Variants in CDADC1 observed in about 807,000 individuals in gnomAD.
CDADC1 encodes dCTP deaminase.
Under a neutral mutation model 54.9 loss-of-function variants are expected in CDADC1, and 39 were observed. The observed-to-expected ratio is 0.71, with a 90% CI of 0.55 to 0.93. The LOEUF is 0.93. Ranked by LOEUF, CDADC1 falls within the 40% of genes least tolerant of loss-of-function variation. The pLI is 0.00. For synonymous variants in CDADC1, 186 were observed against 204.0 expected (o/e 0.91, Z 0.75); for missense variants, 518 against 618.8 (o/e 0.84, Z 1.73).
chr13:49,254,061 T>C (rs1952490369), intron 2 of CDADC1, among the ~76,000 whole-genome samples: 1 of 152,238 alleles, frequency 6.6e-6, no homozygotes. Flanking sequence ...TAGGAGCTAC[T>C]TTATAAAGTT....
At chr13:49,264,812 G>A (rs187158199) in intron 4 of CDADC1, among the ~76,000 whole-genome samples, 168 of 151,824 alleles carry the variant, frequency 1.1e-3, no homozygotes, top group African/African-American at 3.6e-3. Context: ...AAGTCTTTAT[G>A]TGCCAGCTAC....
At position 49,285,368 on chromosome 13, in the gene CDADC1, C is replaced by T. The variant is rs113301584; in HGVS notation, c.1411-854C>T. 1.5e-3 allele frequency among the ~76,000 whole-genome samples: 223 copies of T among 151,886 alleles called. 1 individual carries two copies. Among genetic ancestry groups the T allele is most frequent in the African/African-American group, 4.5e-3 (186 of 41,428 alleles). On this transcript the variant is annotated intron_variant, in intron 8 of 9. Transcript: ENST00000251108. Reference sequence around the variant, plus strand: ...TAATTTTTTGTATTTTTAGTAGAGACGGGGTTTCACCTTGTTAGCCAGGAT... The same window carrying T: ...TAATTTTTTGTATTTTTAGTAGAGATGGGGTTTCACCTTGTTAGCCAGGAT...
chr13:49,267,692 C>T lies in CDADC1; in HGVS notation c.633C>T (p.Asp211=), dbSNP rs772368264. The change falls in exon 5 of 10, where the codon GAC becomes GAT. Residue 211 remains aspartate, a synonymous_variant. Transcript: ENST00000251108. ...QFVEETSYKC[D]FIQKITKTLP... Reference sequence around the variant, plus strand: ...TAGAGGAGACCTCTTACAAATGTGACTTTATTCAAAAAATTACAAAAACAT... The same window carrying T: ...TAGAGGAGACCTCTTACAAATGTGATTTTATTCAAAAAATTACAAAAACAT... 3 of 1,612,566 alleles carry T rather than the reference C, an allele frequency of 1.9e-6. No homozygotes were observed. The African/African-American group carries it at 4.0e-5, about 22-fold the overall frequency.
intron 4 of CDADC1, among the ~76,000 whole-genome samples, chr13:49,263,358 T>C (rs1952729956): frequency 6.6e-6 from 1 of 152,234 alleles, no homozygotes; most frequent in Non-Finnish European, 1.5e-5. Flanking sequence ...GTGATATTAA[T>C]GAACGGGATT....
intron 5 of CDADC1, among the ~76,000 whole-genome samples, chr13:49,268,942 A>C (rs1374416794): frequency 6.6e-6 from 1 of 152,208 alleles, no homozygotes; most frequent in Admixed American, 6.5e-5. Context: ...GTTATGATAA[A>C]AGATGGCATC....
At chr13:49,265,550 A>G (rs1484609567) in intron 4 of CDADC1, among the ~76,000 whole-genome samples, 1 of 152,180 alleles carries the variant, frequency 6.6e-6, no homozygotes, top group Admixed American at 6.5e-5. Context: ...TATTAAAGAT[A>G]TTTGTAAAAA....
chr13:49,254,157 A>G (rs1305892609), intron 2 of CDADC1, among the ~76,000 whole-genome samples: 1 of 152,144 alleles, frequency 6.6e-6, no homozygotes, highest in Non-Finnish European at 1.5e-5. Flanking sequence ...TCACTCATAT[A>G]TATAATTATT....
chr13:49,262,416 C>T (rs758649522), intron 4 of CDADC1, among the ~76,000 whole-genome samples: 3 of 152,112 alleles, frequency 2.0e-5, no homozygotes, highest in Non-Finnish European at 4.4e-5. Flanking sequence ...CCAATGCACT[C>T]CAGCCTGGGC....
chr13:49,271,690 A>G (rs770984385), intron 5 of CDADC1, among the ~76,000 whole-genome samples: 1 of 151,888 alleles, frequency 6.6e-6, no homozygotes, highest in Non-Finnish European at 1.5e-5. Flanking sequence ...CACTGACATG[A>G]CCACAGGATT....
At chr13:49,260,565 C>G (rs1435337538) in intron 4 of CDADC1, among the ~76,000 whole-genome samples, 2 of 152,202 alleles carry the variant, frequency 1.3e-5, no homozygotes, top group Non-Finnish European at 2.9e-5. Context: ...GACTACTATA[C>G]ACTTTGGAAG....
intron 4 of CDADC1, among the ~76,000 whole-genome samples, chr13:49,260,509 A>C (rs1354432847): frequency 2.6e-5 from 4 of 152,180 alleles, no homozygotes; most frequent in Non-Finnish European, 5.9e-5. Context: ...TTCTGTTCTC[A>C]TCCATTGTGG....
rs368141541 is a variant in CDADC1, at chr13:49,268,078, A to C, written c.1000+19A>C. On this transcript the variant is annotated intron_variant, in intron 5 of 9. Coordinates refer to ENST00000251108, the MANE Select transcript of CDADC1 (RefSeq NM_030911.4). Reference sequence around the variant, plus strand: ...CGAACTGGTGAGTTACATAGATCGTAAATTGGGGCTGATTGGTTGGGTTGT... The same window carrying C: ...CGAACTGGTGAGTTACATAGATCGTCAATTGGGGCTGATTGGTTGGGTTGT... 20 of 1,568,480 alleles carry C rather than the reference A, an allele frequency of 1.3e-5. No individual in the cohort carries two copies. The highest frequency in any genetic ancestry group is 1.7e-5 in the Non-Finnish European group (20 of 1,149,832).
chr13:49,264,429 A>G lies in CDADC1; in HGVS notation c.431-3061A>G, dbSNP rs542950370. On this transcript the variant is annotated intron_variant, in intron 4 of 9. Transcript: ENST00000251108. ...ACACCTTTCCATATATGGAATTGAT[A>G]GCATAGTACAGGTCAGGCGCAGTGG... Among the ~76,000 whole-genome samples, 6 of 152,240 alleles carry G rather than the reference A, an allele frequency of 3.9e-5. No homozygotes were observed. In the South Asian group the frequency reaches 1.2e-3, roughly 32 times the overall value.
rs760999977 is a variant in CDADC1 at position 49,286,215 on chromosome 13, C to G, written c.1411-7C>G. ...TAAACAAGTAAAATGTTTGTGCACT[C>G]TTACAGTGGCAGCTGAATCCATCAG... On this transcript the variant is annotated splice_polypyrimidine_tract_variant and splice_region_variant and intron_variant, in intron 8 of 9. Coordinates refer to ENST00000251108, the MANE Select transcript of CDADC1 (RefSeq NM_030911.4). The G allele has an allele frequency of 6.2e-6, 10 of 1,611,014 alleles. No homozygotes were observed. The highest frequency in any genetic ancestry group is 7.6e-6 in the Non-Finnish European group (9 of 1,177,264).
At chr13:49,275,725 A>G (rs1953106632) in intron 6 of CDADC1, among the ~76,000 whole-genome samples, 1 of 19,986 alleles carries the variant, frequency 5.0e-5, no homozygotes, top group Non-Finnish European at 9.0e-5. Context: ...ATATATATAT[A>G]TAGAGAGAGA....
chr13:49,281,074 T>C (rs1365942938), intron 8 of CDADC1, among the ~76,000 whole-genome samples: 2 of 152,038 alleles, frequency 1.3e-5, no homozygotes, highest in Non-Finnish European at 2.9e-5. Context: ...GCTCAGGTGA[T>C]CCGCCCGCCT....
chr13:49,276,604 C>T (rs1051335986), intron 6 of CDADC1, among the ~76,000 whole-genome samples: 4 of 152,178 alleles, frequency 2.6e-5, no homozygotes, highest in African/African-American at 9.7e-5. Context: ...CACATACAAT[C>T]ACCTAGCACA....
At chr13:49,248,651 G>A (rs547517117) in intron 1 of CDADC1, among the ~76,000 whole-genome samples, 104 of 152,308 alleles carry the variant, frequency 6.8e-4, no homozygotes, top group African/African-American at 2.4e-3. Context: ...GTGAGGGCTG[G>A]AGAAAGAAGG....
chr13:49,269,717 T>G (rs1269974939), intron 5 of CDADC1, among the ~76,000 whole-genome samples: 2 of 152,246 alleles, frequency 1.3e-5, no homozygotes, highest in African/African-American at 4.8e-5. Flanking sequence ...GAACCCTGCC[T>G]GTGTTCCAGA....
Sources: allele counts gnomAD v4.1 joint callset (sites outside exome capture counted in the v4.1 genomes callset), GRCh38; gene constraint gnomAD v4.1.1; transcripts MANE v1.5; gene names NCBI Gene and HGNC (gene_info 2026-07-23, HGNC 2026-07-21).